The following INPP5K variants were observed in gnomAD, a reference collection of about 807,000 sequenced individuals.
INPP5K encodes inositol polyphosphate 5-phosphatase K.
INPP5K carries 35 observed loss-of-function variants against 53.5 expected under a neutral mutation model. The observed-to-expected ratio is 0.65, with a 90% CI of 0.50 to 0.87. The LOEUF is 0.87. INPP5K is among the 40% of genes least tolerant of loss of function. The pLI, the probability that INPP5K is intolerant of heterozygous loss-of-function variation, is 0.00. For missense variants in INPP5K, 550 were observed against 586.2 expected (o/e 0.94, Z 0.64); for synonymous variants, 253 against 232.8 (o/e 1.09, Z -0.79).
intron 1 of INPP5K, chr17:1,515,403 G>C: frequency 1.0e-6 from 1 of 984,968 alleles, no homozygotes; most frequent in Non-Finnish European, 1.2e-6. Context: ...GATCCAGTCA[G>C]AGGCTCAGGA....
chr17:1,505,897 G>T (rs1429163178), intron 7 of INPP5K, among the ~76,000 whole-genome samples: 1 of 152,180 alleles, frequency 6.6e-6, no homozygotes, highest in Non-Finnish European at 1.5e-5. Flanking sequence ...TAGGTTCCTT[G>T]CCCCAAAATG....
intron 7 of INPP5K, among the ~76,000 whole-genome samples, chr17:1,505,170 A>C (rs1027085427): frequency 3.8e-4 from 58 of 152,104 alleles, no homozygotes; most frequent in African/African-American, 1.1e-3. Flanking sequence ...AGGGTTGCCC[A>C]GCTGGAGTGC....
chr17:1,496,403 C>T lies in INPP5K; in HGVS notation c.1102-1G>A. On this transcript the variant is annotated splice_acceptor_variant, in intron 9 of 11. Coordinates refer to ENST00000421807, the MANE Select transcript of INPP5K (RefSeq NM_016532.4). LOFTEE classifies it high-confidence loss of function. Reference sequence around the variant, plus strand: ...AGTCATTAACGTCCCGCAGCCCCACCTGTGAGGGGGAGTCAGGCCATCAGT... The same window carrying T: ...AGTCATTAACGTCCCGCAGCCCCACTTGTGAGGGGGAGTCAGGCCATCAGT... 6.4e-7 allele frequency: 1 copy of T among 1,558,376 alleles called. No individual in the cohort carries two copies. The highest frequency in any genetic ancestry group is 1.2e-5 in the South Asian group (1 of 84,712).
chr17:1,503,252 C>T (rs746624164), intron 7 of INPP5K, among the ~76,000 whole-genome samples: 73 of 150,038 alleles, frequency 4.9e-4, no homozygotes, highest in Non-Finnish European at 7.5e-4. Context: ...GGCGTGATCT[C>T]GGCTCACTGC....
intron 7 of INPP5K, among the ~76,000 whole-genome samples, chr17:1,498,749 G>A (rs79485471): frequency 0.013 from 2,028 of 152,268 alleles, 56 homozygotes; most frequent in African/African-American, 0.045. Flanking sequence ...CGGTAAGTGC[G>A]TGGCACTATG....
At chr17:1,503,473 G>A (rs931824490) in intron 7 of INPP5K, among the ~76,000 whole-genome samples, 8 of 152,048 alleles carry the variant, frequency 5.3e-5, no homozygotes, top group Admixed American at 2.0e-4. Flanking sequence ...GTGAGCCACC[G>A]CACCCGGCCA....
At chr17:1,507,707 A>AT (rs1241679223) in intron 6 of INPP5K, 29 of 158,248 alleles carry the variant, frequency 1.8e-4, no homozygotes, top group South Asian at 3.5e-4. Context: ...CGCCCGGCGA[A>AT]TTTTTTTTTG....
chr17:1,496,535 C>T, intron 9 of INPP5K, 131 bp downstream of exon 9: 2 of 1,393,752 alleles, frequency 1.4e-6, no homozygotes, highest in Non-Finnish European at 2.0e-6. Context: ...CACTGCCAGC[C>T]TTTAGCTACA....
chr17:1,496,518 C>A (rs985265663), intron 9 of INPP5K, 116 bp from the exon 10 acceptor site: 3 of 1,326,238 alleles, frequency 2.3e-6, no homozygotes, highest in African/African-American at 2.9e-5. Flanking sequence ...GCCTCCCCGC[C>A]GCCCTTCACT....
In INPP5K at chr17:1,498,099, C is replaced by T. The variant is rs2074908482; in HGVS notation, c.800G>A (p.Trp267Ter). 1 of 1,606,632 alleles carries T rather than the reference C, an allele frequency of 6.2e-7. No homozygotes were observed. Among genetic ancestry groups the T allele is most frequent in the Non-Finnish European group, 8.5e-7 (1 of 1,174,624 alleles). Residue 267 changes from tryptophan (W) to a stop codon, truncating the protein, a stop_gained, in exon 8 of 12, where the codon TGG (tryptophan) becomes TAG (stop). Coordinates refer to ENST00000421807, the MANE Select transcript of INPP5K (RefSeq NM_016532.4). LOFTEE classifies it high-confidence loss of function. The part of the protein sequence containing the change: ...DTSEKKRKPA[W>*]TDRILWRLKR... ...CAGCCTCCACAGGATGCGATCGGTC[C>T]ATGCAGGCTTGCGTTTTTTCTCACT...
intron 7 of INPP5K, among the ~76,000 whole-genome samples, chr17:1,501,562 T>C (rs939633257): frequency 9.2e-5 from 14 of 152,228 alleles, no homozygotes; most frequent in Admixed American, 2.0e-4. Flanking sequence ...GCGGTAACTT[T>C]GACTAACCCT....
At chr17:1,510,967 T>A (rs897152032) in intron 3 of INPP5K, among the ~76,000 whole-genome samples, 1 of 152,098 alleles carries the variant, frequency 6.6e-6, no homozygotes, top group Non-Finnish European at 1.5e-5. Flanking sequence ...CATGGGTATA[T>A]GCAAAAACCC....
intron 5 of INPP5K, chr17:1,508,859 G>A (rs2075230705): frequency 1.3e-5 from 4 of 303,464 alleles, no homozygotes; most frequent in South Asian, 4.6e-5. Context: ...GGCAGAGGGC[G>A]GGGAACGGTC....
intron 7 of INPP5K, among the ~76,000 whole-genome samples, chr17:1,505,049 T>C (rs2075120825): frequency 6.6e-6 from 1 of 152,242 alleles, no homozygotes; most frequent in Non-Finnish European, 1.5e-5. Context: ...TTCAGTCTCC[T>C]GGAGGTCTCT....
chr17:1,515,609 G>A, intron 1 of INPP5K: 1 of 985,404 alleles, frequency 1.0e-6, no homozygotes, highest in Non-Finnish European at 1.2e-6. Flanking sequence ...GGGTACAGGG[G>A]GATGGGAGAA....
At chr17:1,500,496 C>G (rs1324793767) in intron 7 of INPP5K, among the ~76,000 whole-genome samples, 1 of 152,214 alleles carries the variant, frequency 6.6e-6, no homozygotes, top group African/African-American at 2.4e-5. Context: ...TCCAGAATAG[C>G]TGGGATTACA....
At position 1,513,545 on chromosome 17, in the gene INPP5K, A is replaced by G. The variant is rs202042543; in HGVS notation, c.169T>C (p.Ser57Pro). Reference sequence around the variant, plus strand: ...TCGGAAAGGAGGCTTATGATCCCAGAGTTCAATTCCTGCAAACTGACCATG... The same window carrying G: ...TCGGAAAGGAGGCTTATGATCCCAGGGTTCAATTCCTGCAAACTGACCATG... The part of the protein sequence containing the change: ...IYVIGLQELN[S>P]GIISLLSDAA... Residue 57 changes from serine to proline, a missense_variant, in exon 3 of 12, where the codon TCT becomes CCT. Transcript: ENST00000421807. 1 of 1,614,240 alleles carries G rather than the reference A, an allele frequency of 6.2e-7. No homozygotes were observed. The highest frequency in any genetic ancestry group is 2.2e-5 in the East Asian group (1 of 44,888).
intron 7 of INPP5K, among the ~76,000 whole-genome samples, chr17:1,500,569 A>G (rs570170451): frequency 0.061 from 9,252 of 152,028 alleles, 316 homozygotes; most frequent in Non-Finnish European, 0.073. Context: ...GTTTCACCGC[A>G]TTAGCCAGGA....
chr17:1,514,223 T>C (rs899255517), intron 1 of INPP5K, among the ~76,000 whole-genome samples: 10 of 151,734 alleles, frequency 6.6e-5, no homozygotes, highest in Non-Finnish European at 1.3e-4. Flanking sequence ...CTCTGGAGGC[T>C]GAGGCAGGAG....
Sources: gnomAD v4.1 joint callset for allele counts (sites outside exome capture counted in the v4.1 genomes callset) on GRCh38, gnomAD v4.1.1 for gene constraint, MANE v1.5 for transcripts, NCBI Gene and HGNC (gene_info 2026-07-23, HGNC 2026-07-21) for gene names.